Variants in HS6ST1 observed in about 807,000 individuals in gnomAD.
HS6ST1 encodes the protein heparan sulfate 6-O-sulfotransferase 1.
HS6ST1 carries 3 observed loss-of-function variants against 25.2 expected under a neutral mutation model. The observed-to-expected ratio is 0.12, with a 90% CI of 0.05 to 0.31. HS6ST1 has a LOEUF of 0.31. Among genes scored for constraint, HS6ST1 ranks in the 10% least tolerant of loss-of-function variants. The probability of loss-of-function intolerance (pLI) is 1.00; values close to 1 mark genes in which losing one functional copy is unlikely to be tolerated. For synonymous variants in HS6ST1, 204 were observed against 275.1 expected, an observed-to-expected ratio of 0.74 and a Z score of 2.56; for missense variants, 310 against 609.6, an observed-to-expected ratio of 0.51 and a Z score of 5.18.
Position 128,268,293 on chromosome 2 carries a change from C to T in HS6ST1, c.1105G>A (p.Glu369Lys). ...YQYKRQLERR[E>K]QRLRSREERL... ...TCCTCGCGGCTCCTCAGGCGCTGCT[C>T]CCTGCGCTCCAGCTGCCGCTTGTAC... Residue 369 changes from glutamate to lysine, a missense_variant, in exon 2 of 2, where the codon GAG becomes AAG. Coordinates refer to ENST00000259241, the MANE Select transcript of HS6ST1 (RefSeq NM_004807.3). 6.2e-7 allele frequency: 1 copy of T among 1,612,950 alleles called. No homozygotes were observed. The highest frequency in any genetic ancestry group is 8.5e-7 in the Non-Finnish European group (1 of 1,179,822).
At chr2:128,303,216 C>T (rs1029408695) in intron 1 of HS6ST1, among the ~76,000 whole-genome samples, 2 of 152,266 alleles carry the variant, frequency 1.3e-5, no homozygotes, top group African/African-American at 4.8e-5. Context: ...GCAGACCAAA[C>T]ATGCAGCCAA....
At chr2:128,312,613 G>A (rs1157068967) in intron 1 of HS6ST1, among the ~76,000 whole-genome samples, 1 of 152,174 alleles carries the variant, frequency 6.6e-6, no homozygotes, top group Non-Finnish European at 1.5e-5. Flanking sequence ...AGCCACCTGT[G>A]AGCAGGTGGC....
chr2:128,308,431 T>A (rs1694243783), intron 1 of HS6ST1, among the ~76,000 whole-genome samples: 1 of 152,180 alleles, frequency 6.6e-6, no homozygotes, highest in African/African-American at 2.4e-5. Context: ...AGGGCCAGCA[T>A]CACGTGGCAT....
intron 1 of HS6ST1, among the ~76,000 whole-genome samples, chr2:128,306,214 C>T (rs998344735): frequency 1.5e-4 from 23 of 152,344 alleles, no homozygotes; most frequent in African/African-American, 4.3e-4. Flanking sequence ...CGCTCCTCAG[C>T]AGGGCTAGCA....
chr2:128,318,484 C>G lies in HS6ST1; in HGVS notation c.80G>C (p.Cys27Ser). The change falls in exon 1 of 2, where the codon TGC becomes TCC. Residue 27 changes from cysteine (C) to serine (S), a missense_variant. By Grantham distance (112) the Cys-to-Ser change is moderately radical (BLOSUM62 -1). Transcript: ENST00000259241. The surrounding 1 kb of genome is among the most constrained non-coding windows in gnomAD (Gnocchi z 5.7). ...GTACTGGTACAAGATGAGCATGAAG[C>G]ACACCGAGCCCGCCACCACCAGCAC... ...KFVLVVAGSVCFMLILYQYAG... is the reference protein window; with the variant it reads ...KFVLVVAGSVSFMLILYQYAG... The G allele has an allele frequency of 1.3e-6, 2 of 1,555,510 alleles. No homozygotes were observed. Among genetic ancestry groups the G allele is most frequent in the South Asian group, 2.3e-5 (2 of 86,698 alleles).
At chr2:128,315,785 G>C (rs1022197065) in intron 1 of HS6ST1, among the ~76,000 whole-genome samples, 1 of 152,194 alleles carries the variant, frequency 6.6e-6, no homozygotes, top group Non-Finnish European at 1.5e-5. Context: ...TTGGCCCTGC[G>C]AGCACAAAGG....
At chr2:128,305,393 G>A (rs940519103) in intron 1 of HS6ST1, among the ~76,000 whole-genome samples, 4 of 152,224 alleles carry the variant, frequency 2.6e-5, no homozygotes, top group African/African-American at 7.2e-5. Flanking sequence ...GACGTGTGCC[G>A]ACAAGCGGCC....
At chr2:128,274,276 C>T (rs1693657664) in intron 1 of HS6ST1, among the ~76,000 whole-genome samples, 1 of 152,032 alleles carries the variant, frequency 6.6e-6, no homozygotes, top group African/African-American at 2.4e-5. Context: ...GGGGAATGAA[C>T]AGAGGACTAA....
chr2:128,268,366 G>A lies in HS6ST1; in HGVS notation c.1032C>T (p.Asp344=), dbSNP rs1693557374. The change falls in exon 2 of 2, where the codon GAC becomes GAT. Residue 344 remains aspartate, a synonymous_variant. Coordinates refer to ENST00000259241, the MANE Select transcript of HS6ST1 (RefSeq NM_004807.3). ...IRRIEELNDL[D]MQLYDYAKDL... is the part of the protein sequence containing the mutation. ...CCTTGGCGTAGTCGTACAGCTGCATGTCCAGGTCGTTGAGCTCCTCGATGC... is the reference window on the plus strand; with the variant it reads ...CCTTGGCGTAGTCGTACAGCTGCATATCCAGGTCGTTGAGCTCCTCGATGC... The A allele has an allele frequency of 6.2e-7, 1 of 1,613,582 alleles. No homozygotes were observed. The highest frequency in any genetic ancestry group is 1.7e-5 in the Admixed American group (1 of 60,006).
chr2:128,299,605 G>A (rs559129058), intron 1 of HS6ST1, among the ~76,000 whole-genome samples: 6 of 152,314 alleles, frequency 3.9e-5, no homozygotes, highest in East Asian at 1.9e-4. Context: ...CTCACAAGCC[G>A]GTGAGGAGCA....
At chr2:128,273,590 C>A (rs1392595439) in intron 1 of HS6ST1, among the ~76,000 whole-genome samples, 5 of 152,238 alleles carry the variant, frequency 3.3e-5, no homozygotes, top group Non-Finnish European at 5.9e-5. Flanking sequence ...GCCCTCCCCT[C>A]CCCTCTGCCT....
chr2:128,306,639 T>C (rs1328692861), intron 1 of HS6ST1, among the ~76,000 whole-genome samples: 1 of 152,198 alleles, frequency 6.6e-6, no homozygotes, highest in East Asian at 1.9e-4. Context: ...GTGTAGGCCC[T>C]TCTGTCCCAA....
At chr2:128,291,723 C>T (rs1188792741) in intron 1 of HS6ST1, among the ~76,000 whole-genome samples, 2 of 152,228 alleles carry the variant, frequency 1.3e-5, no homozygotes, top group Non-Finnish European at 2.9e-5. Context: ...AGTCCTGCTG[C>T]TTTCCATCAC....
intron 1 of HS6ST1, among the ~76,000 whole-genome samples, chr2:128,281,308 G>A (rs955959053): frequency 3.9e-5 from 6 of 152,208 alleles, no homozygotes; most frequent in South Asian, 2.1e-4. Context: ...GAATTCTTAC[G>A]GATGGGTGGA....
intron 1 of HS6ST1, among the ~76,000 whole-genome samples, chr2:128,279,078 T>C (rs1207151390): frequency 3.3e-5 from 5 of 152,176 alleles, no homozygotes; most frequent in African/African-American, 1.2e-4. Context: ...AAGGGGCCAT[T>C]AGACGGGGCC....
At chr2:128,292,129 G>C (rs1255357980) in intron 1 of HS6ST1, among the ~76,000 whole-genome samples, 1 of 152,186 alleles carries the variant, frequency 6.6e-6, no homozygotes, top group Admixed American at 6.5e-5. Flanking sequence ...GGGGGGCTGG[G>C]CCCAGCAAGA....
intron 1 of HS6ST1, among the ~76,000 whole-genome samples, chr2:128,299,343 T>C (rs8179791): frequency 0.49 from 74,875 of 152,232 alleles, 19,089 homozygotes; most frequent in East Asian, 0.79. Flanking sequence ...GCGAGCCCTC[T>C]GCCCTGGCCG....
At chr2:128,273,089 C>G (rs1693635930) in intron 1 of HS6ST1, among the ~76,000 whole-genome samples, 1 of 152,224 alleles carries the variant, frequency 6.6e-6, no homozygotes, top group Non-Finnish European at 1.5e-5. Context: ...GGGACAGCTG[C>G]TGGGGAACCA....
intron 1 of HS6ST1, among the ~76,000 whole-genome samples, chr2:128,287,211 AG>A (rs937579640): frequency 7.9e-5 from 12 of 152,228 alleles, no homozygotes; most frequent in Admixed American, 7.8e-4. Context: ...TCCTGGTCCC[AG>A]GAATGGTCAC....
Sources: gnomAD v4.1 joint callset for allele counts (sites outside exome capture counted in the v4.1 genomes callset) on GRCh38, gnomAD v4.1.1 for gene constraint, Gnocchi (gnomAD v3.1) non-coding constraint, MANE v1.5 for transcripts, NCBI Gene and HGNC (gene_info 2026-07-23, HGNC 2026-07-21) for gene names.